PPEF1: variants seen among roughly 807,000 people sequenced by gnomAD.
The protein encoded by PPEF1 is protein phosphatase with EF-hand domain 1, also known as serine/threonine-protein phosphatase with EF-hands 1.
Under a neutral mutation model 53.3 loss-of-function variants are expected in PPEF1, and 12 were observed. The observed-to-expected ratio is 0.23, with a 90% CI of 0.14 to 0.36. The LOEUF (loss-of-function observed/expected upper bound fraction) is 0.36, where lower values mean the gene tolerates loss of function less well. Ranked by LOEUF, PPEF1 falls within the 10% of genes least tolerant of loss-of-function variation. The probability of loss-of-function intolerance (pLI) is 1.00; values close to 1 mark genes in which losing one functional copy is unlikely to be tolerated. For missense variants in PPEF1, 334 were observed against 490.4 expected, an observed-to-expected ratio of 0.68 and a Z score of 3.01; for synonymous variants, 165 against 176.7, an observed-to-expected ratio of 0.93 and a Z score of 0.52.
chrX:18,753,216 G>A (rs1451217393), intron 4 of PPEF1, among the ~76,000 whole-genome samples: 1 of 11,619 alleles, frequency 8.6e-5, no homozygotes, highest in African/African-American at 3.7e-4. Context: ...TCTTGAGTCT[G>A]TTTTGGTAAT....
intron 13 of PPEF1, among the ~76,000 whole-genome samples, chrX:18,820,937 G>A (rs1260021986): frequency 9.1e-6 from 1 of 110,248 alleles, no homozygotes; most frequent in East Asian, 2.9e-4. Context: ...ATAATCCTTG[G>A]CTCCGGCCAG....
chrX:18,709,916 T>C (rs2044288558), intron 1 of PPEF1, among the ~76,000 whole-genome samples: 1 of 112,331 alleles, frequency 8.9e-6, no homozygotes, highest in Admixed American at 9.5e-5. Flanking sequence ...GTTTAACATT[T>C]TGAGAAATTT....
At chrX:18,801,653 T>TC (rs754987757) in intron 10 of PPEF1, among the ~76,000 whole-genome samples, 4 of 111,657 alleles carry the variant, frequency 3.6e-5, no homozygotes, top group African/African-American at 1.3e-4. Flanking sequence ...AGAGAGTTTT[T>TC]CTCACCGCTT....
rs1030734480 is a variant in PPEF1, at chrX:18,818,502, C to T, written c.1501+357C>T. ...TCTCCTGCCTCAGCCTCCTAAGTAGCTAGGATTATAGGCATACACCACCAC... is the reference window on the plus strand; with the variant it reads ...TCTCCTGCCTCAGCCTCCTAAGTAGTTAGGATTATAGGCATACACCACCAC... On this transcript the variant is annotated intron_variant, in intron 13 of 15. Transcript: ENST00000470157. Among the ~76,000 whole-genome samples, 14 of 109,207 alleles carry T rather than the reference C, an allele frequency of 1.3e-4. No individual in the cohort carries two copies. In the Admixed American group the frequency reaches 1.4e-3, roughly 11 times the overall value. The allele number at this position is 109,207 out of a possible 115,157, so 94.8% of individuals were successfully genotyped here.
intron 10 of PPEF1, among the ~76,000 whole-genome samples, chrX:18,801,427 T>C (rs961893041): frequency 8.9e-6 from 1 of 111,869 alleles, no homozygotes; most frequent in Non-Finnish European, 1.9e-5. Context: ...GGTCCTCTTC[T>C]CCAGACCTGA....
chrX:18,804,086 A>G lies in PPEF1; in HGVS notation c.1251+9A>G. ...TCTGTCATGATGGGAAGGTAAGCTAAAATTGTTGGTGACATTCCCATAAAC... is the reference window on the plus strand; with the variant it reads ...TCTGTCATGATGGGAAGGTAAGCTAGAATTGTTGGTGACATTCCCATAAAC... On this transcript the variant is annotated intron_variant, in intron 11 of 15. Coordinates refer to ENST00000470157, the MANE Select transcript of PPEF1 (RefSeq NM_001377996.1). The G allele has an allele frequency of 8.5e-7, 1 of 1,181,875 alleles. No homozygotes were observed.
intron 2 of PPEF1, among the ~76,000 whole-genome samples, chrX:18,733,180 T>G (rs776358134): frequency 9.0e-6 from 1 of 111,526 alleles, no homozygotes; most frequent in Non-Finnish European, 1.9e-5. Context: ...CATTCCAGTC[T>G]GGGTGACAAG....
At chrX:18,800,264 AAGG>A (rs1360788323) in intron 10 of PPEF1, among the ~76,000 whole-genome samples, 9 of 111,004 alleles carry the variant, frequency 8.1e-5, no homozygotes, top group African/African-American at 2.9e-4. Flanking sequence ...TATGGCAAAA[AAGG>A]AGAAAAATAC....
At chrX:18,750,013 A>G (rs1845306258) in intron 4 of PPEF1, 61 bp downstream of exon 4, 3 of 1,006,330 alleles carry the variant, frequency 3.0e-6, no homozygotes, top group Non-Finnish European at 4.2e-6. Flanking sequence ...TAACTGTTGA[A>G]AGAATGGATG....
Position 18,827,687 on chromosome X carries a change from T to C in PPEF1, c.*200T>C. On this transcript the variant is annotated 3_prime_UTR_variant, in exon 16 of 16. Transcript: ENST00000470157. ...GTAAGATTAGGTTAAATGTCAGTAA[T>C]AGGATTTGGTTTCAGCATTAGTACC... 1 of 413,374 alleles carries C rather than the reference T, an allele frequency of 2.4e-6. No homozygotes were observed. Among genetic ancestry groups the C allele is most frequent in the Non-Finnish European group, 4.2e-6 (1 of 238,135 alleles). 34.1% of individuals were successfully genotyped at this position (413,374 alleles called of 1,213,427 possible).
rs146038445 is a variant in PPEF1 at position 18,800,045 on chromosome X, C to T, written c.1066-3847C>T. Among the ~76,000 whole-genome samples, 949 of 111,443 alleles carry T rather than the reference C, an allele frequency of 8.5e-3. 14 individuals are homozygous for T. Among genetic ancestry groups the T allele is most frequent in the African/African-American group, 0.029 (889 of 30,716 alleles). On this transcript the variant is annotated intron_variant, in intron 10 of 15. Coordinates refer to ENST00000470157, the MANE Select transcript of PPEF1 (RefSeq NM_001377996.1). ...CAAGCTCAGTTCTTAAAAACTGTTA[C>T]CCCTTATGACTTAGAATCAAAGAAA...
chrX:18,718,408 C>G (rs1381947008), intron 1 of PPEF1, among the ~76,000 whole-genome samples: 2 of 108,341 alleles, frequency 1.8e-5, no homozygotes, highest in Non-Finnish European at 3.8e-5. Context: ...TCGTCTCTAC[C>G]AAAGGAAAAA....
intron 1 of PPEF1, among the ~76,000 whole-genome samples, chrX:18,724,663 TGACC>T (rs2044666369): frequency 9.0e-6 from 1 of 111,670 alleles, no homozygotes; most frequent in South Asian, 3.8e-4. Flanking sequence ...GGAATCAATG[TGACC>T]GGGAAGAGAA....
At chrX:18,693,213 G>A (rs1929508240) in intron 4 of PPEF1, among the ~76,000 whole-genome samples, 1 of 111,792 alleles carries the variant, frequency 8.9e-6, no homozygotes, top group South Asian at 3.7e-4. Context: ...TTAGTCATTT[G>A]TATTATCTGC....
In PPEF1 at chrX:18,806,331, A is replaced by G. The variant is rs2239438; in HGVS notation, c.1252-72A>G. The G allele has an allele frequency of 2.9e-3, 3,128 of 1,068,984 alleles. 81 individuals are homozygous for G. In the East Asian group the frequency reaches 0.076, roughly 26 times the overall value. The allele number at this position is 1,068,984 out of a possible 1,213,427, so 88.1% of individuals were successfully genotyped here. Reference sequence around the variant, plus strand: ...ATTTTTGCTTTTTAAGAATTGAGCTATTTCTGACCTTATTGAATGACCTTT... The same window carrying G: ...ATTTTTGCTTTTTAAGAATTGAGCTGTTTCTGACCTTATTGAATGACCTTT... On this transcript the variant is annotated intron_variant, in intron 11 of 15. Coordinates refer to ENST00000470157, the MANE Select transcript of PPEF1 (RefSeq NM_001377996.1).
chrX:18,728,257 G>A (rs1331256288), intron 1 of PPEF1, among the ~76,000 whole-genome samples: 5 of 110,756 alleles, frequency 4.5e-5, no homozygotes, highest in Non-Finnish European at 9.4e-5. Flanking sequence ...AGACATAACC[G>A]AGACTGGGTA....
intron 3 of PPEF1, among the ~76,000 whole-genome samples, chrX:18,748,781 G>A (rs954015280): frequency 1.8e-5 from 2 of 111,536 alleles, no homozygotes; most frequent in Non-Finnish European, 3.8e-5. Flanking sequence ...CCTAGGCTTT[G>A]TGGTAGTGGC....
At chrX:18,807,162 T>G in intron 12 of PPEF1, among the ~76,000 whole-genome samples, 1 of 111,110 alleles carries the variant, frequency 9.0e-6, no homozygotes, top group African/African-American at 3.3e-5. Flanking sequence ...CCTGAGTAGC[T>G]GAGATTACAA....
chrX:18,818,180 C>A, intron 13 of PPEF1, 35 bp downstream of exon 13: 1 of 975,531 alleles, frequency 1.0e-6, no homozygotes, highest in Non-Finnish European at 1.5e-6. Flanking sequence ...CATTTCTTAA[C>A]ACACCAAGTT....
Sources: gnomAD v4.1 joint callset for allele counts (sites outside exome capture counted in the v4.1 genomes callset) on GRCh38, gnomAD v4.1.1 for gene constraint, MANE v1.5 for transcripts, NCBI Gene and HGNC (gene_info 2026-07-23, HGNC 2026-07-21) for gene names.